Variants in TFCP2 observed in about 807,000 individuals in gnomAD.
The protein encoded by TFCP2 is transcription factor CP2.
In TFCP2, 33 loss-of-function variants were observed where a neutral mutation model predicts 73.4. That is an observed-to-expected ratio of 0.45 (90% CI 0.34 to 0.60). The LOEUF (loss-of-function observed/expected upper bound fraction) is 0.60. Ranked by LOEUF, TFCP2 falls within the 20% of genes least tolerant of loss-of-function variation. The probability of loss-of-function intolerance (pLI) is 0.01; values close to 1 mark genes in which losing one functional copy is unlikely to be tolerated. For missense variants in TFCP2, 352 were observed against 604.0 expected (o/e 0.58, Z 4.37); for synonymous variants, 193 against 211.6 (o/e 0.91, Z 0.76).
At chr12:51,163,162 T>G (rs1941683864) in intron 1 of TFCP2, among the ~76,000 whole-genome samples, 1 of 152,088 alleles carries the variant, frequency 6.6e-6, no homozygotes, top group African/African-American at 2.4e-5. Context: ...TAGCTAGGCA[T>G]GGTGGCACGA....
At chr12:51,111,165 A>G (rs1049934950) in intron 4 of TFCP2, among the ~76,000 whole-genome samples, 182 bp from the exon 5 acceptor site, 10 of 150,984 alleles carry the variant, frequency 6.6e-5, no homozygotes, top group African/African-American at 2.4e-4. Context: ...TCTGTTGCCC[A>G]AGCTGGAGTG....
intron 1 of TFCP2, among the ~76,000 whole-genome samples, chr12:51,140,930 C>G (rs896769867): frequency 6.6e-6 from 1 of 151,834 alleles, no homozygotes; most frequent in African/African-American, 2.4e-5. Context: ...GTGGCAGGCG[C>G]CTGTAATCCC....
At chr12:51,107,628 A>ACAC (rs1940282581) in intron 6 of TFCP2, among the ~76,000 whole-genome samples, 3 of 151,418 alleles carry the variant, frequency 2.0e-5, no homozygotes, top group African/African-American at 7.3e-5. Context: ...TTTTTTTGAG[A>ACAC]CGGAGTCTCA....
intron 1 of TFCP2, among the ~76,000 whole-genome samples, chr12:51,139,247 T>A (rs1483857340): frequency 1.3e-5 from 2 of 152,056 alleles, no homozygotes; most frequent in East Asian, 3.9e-4. Flanking sequence ...GCTTCAGTGG[T>A]TTCCCAACGC....
At chr12:51,135,618 TG>T (rs1166318725) in intron 1 of TFCP2, among the ~76,000 whole-genome samples, 2 of 152,160 alleles carry the variant, frequency 1.3e-5, no homozygotes, top group Non-Finnish European at 2.9e-5. Context: ...CAGAATCACC[TG>T]GGGAGCTTTA....
chr12:51,099,775 C>T lies in TFCP2; in HGVS notation c.1156G>A (p.Val386Met). The change falls in exon 12 of 15, where the codon GTG becomes ATG. Residue 386 changes from valine to methionine, a missense_variant. Physicochemically the swap from Val to Met is conservative, Grantham distance 21 (BLOSUM62 1). Coordinates refer to ENST00000257915, the MANE Select transcript of TFCP2 (RefSeq NM_005653.5). ...ACATAAATGGTTAACCTTGGACGCA[C>T]CATCCTAAGGGGAGGAAAAAGGCTA... ...RLFNALKGRMVRPRLTIYVCQ... is the reference protein window; with the variant it reads ...RLFNALKGRMMRPRLTIYVCQ... 1 of 1,614,026 alleles carries T rather than the reference C, an allele frequency of 6.2e-7. No homozygotes were observed. The highest frequency in any genetic ancestry group is 8.5e-7 in the Non-Finnish European group (1 of 1,179,996).
At chr12:51,140,445 C>CTTTTTTTTTTTTTTTTTTTTTTTTTTT (rs768526922) in intron 1 of TFCP2, among the ~76,000 whole-genome samples, 38 of 88,036 alleles carry the variant, frequency 4.3e-4, no homozygotes, top group African/African-American at 4.9e-4. Flanking sequence ...TTTTCTTTTT[C>CTTTTTTTTTTTTTTTTTTTTTTTTTTT]TTTTTTTTTT....
At chr12:51,124,601 G>GAGCGGACT (rs1307607503) in intron 1 of TFCP2, 7 of 518,408 alleles carry the variant, frequency 1.4e-5, no homozygotes, top group Non-Finnish European at 2.6e-5. Context: ...GCAGCCGGAG[G>GAGCGGACT]AGCGGACTGC....
chr12:51,124,105 TTTTC>T (rs1940744897), intron 1 of TFCP2, among the ~76,000 whole-genome samples: 1 of 151,254 alleles, frequency 6.6e-6, no homozygotes, highest in Non-Finnish European at 1.5e-5. Flanking sequence ...TTTCTTTTTT[TTTTC>T]TTTTTTGAGG....
chr12:51,105,642 A>C (rs1940217749), intron 8 of TFCP2, among the ~76,000 whole-genome samples: 1 of 152,210 alleles, frequency 6.6e-6, no homozygotes, highest in Admixed American at 6.5e-5. Context: ...TGCAAAATTC[A>C]AATTTGGTAT....
intron 11 of TFCP2, 108 bp from the exon 12 acceptor site, chr12:51,099,887 T>C: frequency 7.3e-7 from 1 of 1,360,840 alleles, no homozygotes. Flanking sequence ...AGATGAAAAT[T>C]GGAAGCTCAT....
rs762413238 is a variant in TFCP2 at position 51,107,269 on chromosome 12, A to G, written c.795T>C (p.Tyr265=). The G allele has an allele frequency of 1.2e-6, 2 of 1,612,016 alleles. No individual in the cohort carries two copies. Among genetic ancestry groups the G allele is most frequent in the Admixed American group, 1.7e-5 (1 of 59,364 alleles). Residue 265 remains tyrosine, a synonymous_variant, in exon 7 of 15, where the codon TAT becomes TAC. Transcript: ENST00000257915. The part of the protein sequence containing the change: ...EKRTPHEKEK[Y]QPSYETTILT... Reference sequence around the variant, plus strand: ...GTATGGTTGTCTCATAGGAAGGCTGATATTTCTCCTTTTCATGAGGTGTTC... The same window carrying G: ...GTATGGTTGTCTCATAGGAAGGCTGGTATTTCTCCTTTTCATGAGGTGTTC...
intron 13 of TFCP2, among the ~76,000 whole-genome samples, chr12:51,098,150 G>A (rs1014829610): frequency 6.6e-6 from 1 of 151,868 alleles, no homozygotes; most frequent in Non-Finnish European, 1.5e-5. Context: ...TTTAATGGAT[G>A]GTGGTGGTAT....
intron 12 of TFCP2, 80 bp from the exon 13 acceptor site, chr12:51,098,998 C>G: frequency 6.8e-7 from 1 of 1,478,698 alleles, no homozygotes; most frequent in East Asian, 2.4e-5. Flanking sequence ...GGAATGCCCA[C>G]TTTTCTGAAG....
rs572246332 is a variant in TFCP2 at position 51,111,632 on chromosome 12, G to A, written c.458-649C>T. On this transcript the variant is annotated intron_variant, in intron 4 of 14. Transcript: ENST00000257915. ...GCACTTTGGGAGCCCAAGGCAGGCG[G>A]ATCATGATGTCAGGAGTTCGAGACC... is the stretch of plus-strand genomic sequence containing the variant. 1.2e-3 allele frequency among the ~76,000 whole-genome samples: 178 copies of A among 152,080 alleles called. 1 individual carries two copies. The highest frequency in any genetic ancestry group is 1.4e-3 in the Non-Finnish European group (96 of 67,984).
chr12:51,124,101 T>TC (rs1278984414), intron 1 of TFCP2, among the ~76,000 whole-genome samples: 1 of 151,508 alleles, frequency 6.6e-6, no homozygotes, highest in Non-Finnish European at 1.5e-5. Flanking sequence ...TACTTTTCTT[T>TC]TTTTTTTCTT....
intron 1 of TFCP2, 42 bp downstream of exon 1, chr12:51,172,241 CTTAGTGTCTATCCGCCTT>C: frequency 6.3e-7 from 1 of 1,599,690 alleles, no homozygotes; most frequent in Non-Finnish European, 8.5e-7. Flanking sequence ...AACCCCTTTT[CTTAGTGTCTATCCGCCTT>C]TGTTATTCAG....
At chr12:51,161,760 CAAAAAAAAAAAAAA>C (rs60679909) in intron 1 of TFCP2, among the ~76,000 whole-genome samples, 3 of 76,226 alleles carry the variant, frequency 3.9e-5, no homozygotes, top group Non-Finnish European at 7.3e-5. Context: ...GACTCCATAT[CAAAAAAAAAAAAAA>C]AAAAAAAAAG....
intron 2 of TFCP2, among the ~76,000 whole-genome samples, chr12:51,118,158 A>G (rs1940577225): frequency 6.6e-6 from 1 of 152,254 alleles, no homozygotes; most frequent in African/African-American, 2.4e-5. Context: ...CTAGTAATAG[A>G]TATCAAGTAT....
Sources: gnomAD v4.1 joint callset for allele counts (sites outside exome capture counted in the v4.1 genomes callset) on GRCh38, gnomAD v4.1.1 for gene constraint, MANE v1.5 for transcripts, NCBI Gene and HGNC (gene_info 2026-07-23, HGNC 2026-07-21) for gene names.